Variants in GCNT2 observed in about 807,000 individuals in gnomAD.
GCNT2 encodes the protein glucosaminyl (N-acetyl) transferase 2 (I blood group).
In GCNT2, 34 loss-of-function variants were observed where a neutral mutation model predicts 34.2. The ratio of observed to expected loss-of-function variants is 1.00; its 90% confidence interval spans 0.76 to 1.32. GCNT2 has a LOEUF of 1.32. GCNT2 is among the 40% of genes most tolerant of loss of function. GCNT2 has a pLI of 0.00. For synonymous variants in GCNT2, 212 were observed against 188.0 expected, an observed-to-expected ratio of 1.13 and a Z score of -1.04; for missense variants, 584 against 489.4, an observed-to-expected ratio of 1.19 and a Z score of -1.82.
chr6:10,552,087 G>A (rs528510121), intron 3 of GCNT2, among the ~76,000 whole-genome samples: 5 of 152,168 alleles, frequency 3.3e-5, no homozygotes, highest in African/African-American at 1.2e-4. Context: ...TAATGCTTTG[G>A]GTTCTGTGAT....
At chr6:10,534,654 T>C (rs1172486392) in intron 3 of GCNT2, among the ~76,000 whole-genome samples, 1 of 152,006 alleles carries the variant, frequency 6.6e-6, no homozygotes, top group African/African-American at 2.4e-5. Flanking sequence ...GGTCATGTGG[T>C]TTAAAAAAGC....
intron 3 of GCNT2, among the ~76,000 whole-genome samples, chr6:10,571,943 T>A (rs1402245489): frequency 6.6e-6 from 1 of 152,208 alleles, no homozygotes; most frequent in Admixed American, 6.5e-5. Context: ...TCTTTTCCTT[T>A]CACACTGATA....
At chr6:10,563,983 T>C (rs1317540454) in intron 3 of GCNT2, among the ~76,000 whole-genome samples, 1 of 152,056 alleles carries the variant, frequency 6.6e-6, no homozygotes, top group East Asian at 1.9e-4. Context: ...GAAACTTAGC[T>C]AATTCTAAGT....
intron 3 of GCNT2, among the ~76,000 whole-genome samples, chr6:10,553,563 T>C (rs1484830540): frequency 6.6e-6 from 1 of 152,222 alleles, no homozygotes; most frequent in Non-Finnish European, 1.5e-5. Flanking sequence ...CTCTTTCCTT[T>C]GGAGCTATGT....
intron 3 of GCNT2, among the ~76,000 whole-genome samples, chr6:10,614,344 A>G (rs1765675102): frequency 1.3e-5 from 2 of 152,154 alleles, no homozygotes; most frequent in African/African-American, 4.8e-5. Context: ...AAGGTAGAAG[A>G]GGCCGGGCAC....
At chr6:10,598,686 G>C (rs1209282490) in intron 3 of GCNT2, among the ~76,000 whole-genome samples, 1 of 152,182 alleles carries the variant, frequency 6.6e-6, no homozygotes, top group Non-Finnish European at 1.5e-5. Flanking sequence ...TTGTTTCCAA[G>C]AGTATTTTCT....
At chr6:10,550,405 A>T (rs954908780) in intron 3 of GCNT2, among the ~76,000 whole-genome samples, 6 of 152,026 alleles carry the variant, frequency 3.9e-5, no homozygotes, top group Non-Finnish European at 8.8e-5. Context: ...AGAAAAAAAA[A>T]TCGAGTAATT....
Position 10,547,167 on chromosome 6 carries a change from CTT to C in GCNT2, c.925+17332_925+17333del, listed in dbSNP as rs1318531272. Among the ~76,000 whole-genome samples the C allele has an allele frequency of 2.0e-5, 3 of 152,314 alleles. No homozygotes were observed. In the East Asian group the frequency reaches 5.8e-4, roughly 29 times the overall value. On this transcript the variant is annotated intron_variant, in intron 3 of 4. Coordinates refer to ENST00000495262, the MANE Select transcript of GCNT2 (RefSeq NM_145649.5). ...TTGCCTAATCATATCTGCTCTCTCT[CTT>C]ATTCATATATTTTTCTTAAACTATT...
At chr6:10,543,956 T>C (rs1450182114) in intron 3 of GCNT2, among the ~76,000 whole-genome samples, 1 of 152,200 alleles carries the variant, frequency 6.6e-6, no homozygotes, top group East Asian at 1.9e-4. Context: ...ATGGACAAAA[T>C]GTTAGTTTAG....
intron 3 of GCNT2, among the ~76,000 whole-genome samples, chr6:10,541,237 G>C (rs2113587100): frequency 6.6e-6 from 1 of 152,190 alleles, no homozygotes; most frequent in East Asian, 1.9e-4. Context: ...TCATCAATCA[G>C]CTCCCACGTA....
chr6:10,602,153 T>C (rs906054673), intron 3 of GCNT2, among the ~76,000 whole-genome samples: 1 of 152,182 alleles, frequency 6.6e-6, no homozygotes, highest in Non-Finnish European at 1.5e-5. Flanking sequence ...TCTATAACTT[T>C]TGTAAACTTT....
chr6:10,625,041 T>A (rs1766198438), intron 4 of GCNT2, among the ~76,000 whole-genome samples: 2 of 152,172 alleles, frequency 1.3e-5, no homozygotes, highest in African/African-American at 4.8e-5. Flanking sequence ...CGCCTGGTCA[T>A]TCTTTCACTT....
rs1253877046 is a variant in GCNT2 at position 10,531,130 on chromosome 6, A to G, written c.925+1294A>G. Reference sequence around the variant, plus strand: ...TGATTACATGATGTGCTCAAATCCCACAGCTAGTAAGCAAATGCACCAATT... The same window carrying G: ...TGATTACATGATGTGCTCAAATCCCGCAGCTAGTAAGCAAATGCACCAATT... On this transcript the variant is annotated intron_variant, in intron 3 of 4. Coordinates refer to ENST00000495262, the MANE Select transcript of GCNT2 (RefSeq NM_145649.5). Among the ~76,000 whole-genome samples the G allele has an allele frequency of 2.0e-5, 3 of 152,132 alleles. No individual in the cohort carries two copies. The East Asian group carries it at 5.8e-4, about 29-fold the overall frequency.
chr6:10,571,342 AATT>A (rs151274369), intron 3 of GCNT2, among the ~76,000 whole-genome samples: 16,470 of 151,730 alleles, frequency 0.11, 1,191 homozygotes, highest in Middle Eastern at 0.18. Context: ...TGATCATGAT[AATT>A]ATTATTATTA....
intron 3 of GCNT2, among the ~76,000 whole-genome samples, chr6:10,613,024 A>T (rs898430137): frequency 6.6e-6 from 1 of 152,216 alleles, no homozygotes; most frequent in Non-Finnish European, 1.5e-5. Flanking sequence ...ATCAGCATTG[A>T]CTATTTAACA....
chr6:10,590,904 T>C (rs934894464), intron 3 of GCNT2, among the ~76,000 whole-genome samples: 1 of 152,228 alleles, frequency 6.6e-6, no homozygotes, highest in African/African-American at 2.4e-5. Context: ...TCATAAAGAA[T>C]GTCCTTCGTG....
intron 1 of GCNT2, among the ~76,000 whole-genome samples, chr6:10,524,283 T>G (rs956537360): frequency 6.7e-6 from 1 of 148,688 alleles, no homozygotes; most frequent in Non-Finnish European, 1.5e-5. Context: ...GGAGTTTCGC[T>G]CTTGTTGCCT....
At chr6:10,610,617 T>C (rs1489470548) in intron 3 of GCNT2, among the ~76,000 whole-genome samples, 1 of 152,134 alleles carries the variant, frequency 6.6e-6, no homozygotes, top group African/African-American at 2.4e-5. Flanking sequence ...ACTGAAGATA[T>C]TAATAAATAT....
intron 3 of GCNT2, among the ~76,000 whole-genome samples, chr6:10,618,565 T>G (rs1227688380): frequency 6.6e-6 from 1 of 152,214 alleles, no homozygotes; most frequent in Non-Finnish European, 1.5e-5. Flanking sequence ...TCTTCATACT[T>G]TTATGATGTA....
Sources: gnomAD v4.1 joint callset for allele counts (sites outside exome capture counted in the v4.1 genomes callset) on GRCh38, gnomAD v4.1.1 for gene constraint, MANE v1.5 for transcripts, NCBI Gene and HGNC (gene_info 2026-07-23, HGNC 2026-07-21) for gene names.